The following DMD variants were observed in gnomAD, a reference collection of about 807,000 sequenced individuals.
DMD encodes the protein mutant dystrophin.
Under a neutral mutation model 330.1 loss-of-function variants are expected in DMD, and 63 were observed. That is an observed-to-expected ratio of 0.19 (90% confidence interval 0.16 to 0.24). DMD has a LOEUF of 0.24. DMD is among the 10% of genes least tolerant of loss of function. DMD has a pLI of 1.00. For synonymous variants in DMD, 1,223 were observed against 959.8 expected, an observed-to-expected ratio of 1.27 and a Z score of -5.07; for missense variants, 3,344 against 2,684.1, an observed-to-expected ratio of 1.25 and a Z score of -5.43.
At chrX:32,827,690 C>A (rs1246102268) in intron 4 of DMD, among the ~76,000 whole-genome samples, 4 of 94,664 alleles carry the variant, frequency 4.2e-5, no homozygotes, top group African/African-American at 1.6e-4. Context: ...GGTGGAGTTT[C>A]GCTCTTGTTG....
At chrX:32,220,139 G>A (rs956106755) in intron 43 of DMD, among the ~76,000 whole-genome samples, 4 of 111,108 alleles carry the variant, frequency 3.6e-5, no homozygotes, top group African/African-American at 1.3e-4. Context: ...TGGACTTTCT[G>A]CCCGACCCCT....
chrX:32,537,993 G>T (rs913478092), intron 17 of DMD, among the ~76,000 whole-genome samples: 1 of 112,437 alleles, frequency 8.9e-6, no homozygotes, highest in Non-Finnish European at 1.9e-5. Flanking sequence ...CTACTACACA[G>T]AAGACATCAC....
At chrX:31,540,839 C>T (rs1307657908) in intron 55 of DMD, among the ~76,000 whole-genome samples, 1 of 111,685 alleles carries the variant, frequency 9.0e-6, no homozygotes, top group Non-Finnish European at 1.9e-5. Flanking sequence ...ATTGTTGGTA[C>T]AAATAGAAAC....
intron 7 of DMD, among the ~76,000 whole-genome samples, chrX:32,746,148 G>C (rs914084323): frequency 8.9e-6 from 1 of 111,838 alleles, no homozygotes; most frequent in African/African-American, 3.2e-5. Flanking sequence ...GGGTAATGGA[G>C]TAAAATGTTA....
At position 31,795,635 on chromosome X, in the gene DMD, T is replaced by C. The variant is rs369124472; in HGVS notation, c.7310-21443A>G. Among the ~76,000 whole-genome samples the C allele has an allele frequency of 2.5e-3, 280 of 112,417 alleles. 8 individuals are homozygous for C. The South Asian group carries it at 0.097, about 39-fold the overall frequency. On this transcript the variant is annotated intron_variant, in intron 50 of 78. Coordinates refer to ENST00000357033, the MANE Select transcript of DMD (RefSeq NM_004006.3). ...AATTATTCTTATTTTTGAAGCCACTTTGAAAGTGCATTCTCTTTCTTGCAG... is the reference window on the plus strand; with the variant it reads ...AATTATTCTTATTTTTGAAGCCACTCTGAAAGTGCATTCTCTTTCTTGCAG...
At chrX:33,060,222 T>C (rs1569552200) in intron 1 of DMD, among the ~76,000 whole-genome samples, 1 of 110,675 alleles carries the variant, frequency 9.0e-6, no homozygotes, top group African/African-American at 3.3e-5. Context: ...GGTCAGTGGA[T>C]GGAAAATTAT....
intron 59 of DMD, among the ~76,000 whole-genome samples, chrX:31,458,989 T>C (rs1335938426): frequency 1.8e-5 from 2 of 112,097 alleles, no homozygotes; most frequent in African/African-American, 6.5e-5. Context: ...TTTAACCTTA[T>C]GCTTTATTGG....
intron 6 of DMD, among the ~76,000 whole-genome samples, chrX:32,814,959 A>G (rs761338014): frequency 1.4e-4 from 16 of 111,749 alleles, no homozygotes; most frequent in Non-Finnish European, 2.6e-4. Flanking sequence ...ATGTGGCTGC[A>G]TAAATGAGCA....
intron 62 of DMD, among the ~76,000 whole-genome samples, chrX:31,307,567 A>G (rs747739106): frequency 9.1e-5 from 10 of 109,720 alleles, no homozygotes; most frequent in Non-Finnish European, 1.7e-4. Context: ...GCACCTTTAA[A>G]ACGATATCAT....
intron 7 of DMD, among the ~76,000 whole-genome samples, chrX:32,707,418 TGA>T (rs1263508038): frequency 8.9e-6 from 1 of 111,944 alleles, no homozygotes; most frequent in African/African-American, 3.3e-5. Context: ...CCAAACATCC[TGA>T]GAGTGCCTCA....
At chrX:32,316,678 T>A (rs1314251408) in intron 41 of DMD, among the ~76,000 whole-genome samples, 1 of 111,452 alleles carries the variant, frequency 9.0e-6, no homozygotes, top group Non-Finnish European at 1.9e-5. Flanking sequence ...TAAGTTTGAA[T>A]ATTCTCATTT....
chrX:32,596,468 T>G (rs760901372), intron 12 of DMD, among the ~76,000 whole-genome samples: 1 of 111,580 alleles, frequency 9.0e-6, no homozygotes, highest in African/African-American at 3.3e-5. Flanking sequence ...ACATGTTGAT[T>G]ACTAACCTAA....
chrX:33,176,563 T>TGA (rs1448096459), intron 1 of DMD, among the ~76,000 whole-genome samples: 1 of 106,332 alleles, frequency 9.4e-6, no homozygotes, highest in Non-Finnish European at 1.9e-5. Flanking sequence ...CACAGAAGTG[T>TGA]GTGTGTGTGT....
intron 45 of DMD, among the ~76,000 whole-genome samples, chrX:31,962,576 T>C (rs1264157026): frequency 8.9e-6 from 1 of 112,254 alleles, no homozygotes; most frequent in Non-Finnish European, 1.9e-5. Context: ...TTGTAGGTGA[T>C]GGTGCCAAGA....
intron 2 of DMD, among the ~76,000 whole-genome samples, chrX:32,989,705 T>A (rs1416919363): frequency 8.9e-6 from 1 of 111,914 alleles, no homozygotes; most frequent in Non-Finnish European, 1.9e-5. Context: ...ATTAAATTTT[T>A]GGTATTAGTT....
chrX:32,931,421 G>A (rs1181360557), intron 2 of DMD, among the ~76,000 whole-genome samples: 1 of 111,473 alleles, frequency 9.0e-6, no homozygotes, highest in South Asian at 3.7e-4. Flanking sequence ...TGATGTAAAC[G>A]TTATGCAGGT....
At chrX:32,048,357 T>G (rs2147481476) in intron 44 of DMD, among the ~76,000 whole-genome samples, 1 of 106,995 alleles carries the variant, frequency 9.3e-6, no homozygotes, top group Admixed American at 1.0e-4. Flanking sequence ...AAATTTTTTT[T>G]TTCTCTTGAC....
chrX:31,854,555 T>C (rs2093583876), intron 48 of DMD, among the ~76,000 whole-genome samples: 1 of 111,517 alleles, frequency 9.0e-6, no homozygotes, highest in South Asian at 3.8e-4. Flanking sequence ...ATTAAAAAAC[T>C]AGAGTCACGA....
At chrX:33,239,149 C>T (rs1454561390) in intron 1 of DMD, among the ~76,000 whole-genome samples, 1 of 107,128 alleles carries the variant, frequency 9.3e-6, no homozygotes, top group Non-Finnish European at 1.9e-5. Flanking sequence ...CCCAGCTACT[C>T]TGGGGGCTGA....
Sources: gnomAD v4.1 joint callset for allele counts (sites outside exome capture counted in the v4.1 genomes callset) on GRCh38, gnomAD v4.1.1 for gene constraint, MANE v1.5 for transcripts, NCBI Gene and HGNC (gene_info 2026-07-23, HGNC 2026-07-21) for gene names.